The following AJAP1 variants were observed in gnomAD, a reference collection of about 807,000 sequenced individuals.
AJAP1 encodes the protein adherens junction-associated protein 1.
A neutral mutation model predicts 35.0 loss-of-function variants in AJAP1; 5 were observed. The ratio of observed to expected loss-of-function variants is 0.14; its 90% CI spans 0.07 to 0.30. AJAP1 has a LOEUF of 0.30. Ranked by LOEUF, AJAP1 falls within the 10% of genes least tolerant of loss-of-function variation. AJAP1 has a pLI of 1.00. For synonymous variants in AJAP1, 284 were observed against 249.3 expected (o/e 1.14, Z -1.31); for missense variants, 586 against 571.0 (o/e 1.03, Z -0.27).
At chr1:4,780,131 C>CAA (rs545412869) in intron 5 of AJAP1, among the ~76,000 whole-genome samples, 13 of 92,186 alleles carry the variant, frequency 1.4e-4, no homozygotes, top group East Asian at 1.4e-3. Flanking sequence ...GTGACAGTCT[C>CAA]AAAAAAAAAA....
chr1:4,785,931 ATGCACTCCT>A lies in AJAP1; in HGVS notation c.*3449_*3457del. ...CTTTAAAGCTTAGAAACAGCTGGGAATGCACTCCTTGTACAGTCCAGTCCGTTTTCAGAC... is the reference window on the plus strand; with the variant it reads ...CTTTAAAGCTTAGAAACAGCTGGGAATGTACAGTCCAGTCCGTTTTCAGAC... On this transcript the variant is annotated 3_prime_UTR_variant, in exon 6 of 6. Coordinates refer to ENST00000378191, the MANE Select transcript of AJAP1 (RefSeq NM_018836.4). 6.6e-6 allele frequency: 1 copy of A among 152,282 alleles called. No homozygotes were observed. Among genetic ancestry groups the A allele is most frequent in the East Asian group, 1.9e-4 (1 of 5,170 alleles). The allele number at this position is 152,282 out of a possible 1,614,324, so 9.4% of individuals were successfully genotyped here. A position where few individuals can be genotyped will look rare whatever the true frequency, so the allele number is the denominator to read the frequency against.
chr1:4,778,376 C>T (rs1454880447), intron 5 of AJAP1, among the ~76,000 whole-genome samples: 2 of 152,210 alleles, frequency 1.3e-5, no homozygotes, highest in African/African-American at 2.4e-5. Flanking sequence ...GAGAGGCTCA[C>T]GTGCTAAGTG....
intron 1 of AJAP1, among the ~76,000 whole-genome samples, chr1:4,666,297 G>A (rs1405754303): frequency 6.6e-6 from 1 of 152,192 alleles, no homozygotes; most frequent in Non-Finnish European, 1.5e-5. Flanking sequence ...CAGCCCTTAG[G>A]AGTTGGGTCT....
rs1438717707 is a variant in AJAP1, at chr1:4,712,354, G to A, written c.484G>A (p.Asp162Asn). 3 of 1,507,768 alleles carry A rather than the reference G, an allele frequency of 2.0e-6. No homozygotes were observed. The highest frequency in any genetic ancestry group is 1.4e-5 in the African/African-American group (1 of 71,978). The allele number at this position is 1,507,768 out of a possible 1,614,324, so 93.4% of individuals were successfully genotyped here. Residue 162 changes from aspartate to asparagine, a missense_variant, in exon 2 of 6, where the codon GAC becomes AAC. By Grantham distance (23) the Asp-to-Asn change is conservative. Coordinates refer to ENST00000378191, the MANE Select transcript of AJAP1 (RefSeq NM_018836.4). Reference sequence around the variant, plus strand: ...GAGGGGCAAGAGGCACCTGCAGGGGGACGGTCTCAGCAGCTTCGACTCCAG... The same window carrying A: ...GAGGGGCAAGAGGCACCTGCAGGGGAACGGTCTCAGCAGCTTCGACTCCAG... ...LRRGKRHLQG[D>N]GLSSFDSRGS...
At chr1:4,732,856 G>A (rs1640832259) in intron 2 of AJAP1, among the ~76,000 whole-genome samples, 1 of 152,154 alleles carries the variant, frequency 6.6e-6, no homozygotes, top group Non-Finnish European at 1.5e-5. Flanking sequence ...TCGAAAATTG[G>A]AGCTGTTTCT....
At chr1:4,728,407 A>G (rs1343350866) in intron 2 of AJAP1, among the ~76,000 whole-genome samples, 2 of 152,132 alleles carry the variant, frequency 1.3e-5, no homozygotes, top group African/African-American at 4.8e-5. Flanking sequence ...AGCATGAGGA[A>G]TGCACTCACA....
chr1:4,695,097 T>C (rs1444134893), intron 1 of AJAP1, among the ~76,000 whole-genome samples: 1 of 151,994 alleles, frequency 6.6e-6, no homozygotes, highest in Non-Finnish European at 1.5e-5. Flanking sequence ...TTGTCACAAC[T>C]TGGGAGAGGG....
chr1:4,776,777 T>A (rs910008099), intron 5 of AJAP1, among the ~76,000 whole-genome samples: 2 of 152,132 alleles, frequency 1.3e-5, no homozygotes, highest in African/African-American at 4.8e-5. Context: ...CAACTGTGCC[T>A]GAGGAGCTGT....
At chr1:4,674,782 C>T (rs1440495199) in intron 1 of AJAP1, among the ~76,000 whole-genome samples, 1 of 152,252 alleles carries the variant, frequency 6.6e-6, no homozygotes, top group Non-Finnish European at 1.5e-5. Flanking sequence ...TTCTGCTCTG[C>T]CTGCTTGTCT....
intron 1 of AJAP1, among the ~76,000 whole-genome samples, chr1:4,702,938 T>C (rs967774973): frequency 2.0e-5 from 3 of 152,152 alleles, no homozygotes; most frequent in African/African-American, 7.2e-5. Flanking sequence ...TAGCCAGAGA[T>C]TCCGCGATGG....
chr1:4,679,696 A>G (rs1280286533), intron 1 of AJAP1, among the ~76,000 whole-genome samples: 2 of 152,036 alleles, frequency 1.3e-5, no homozygotes, highest in South Asian at 2.1e-4. Context: ...GCATCACTCA[A>G]ATCTCTGCCT....
intron 1 of AJAP1, among the ~76,000 whole-genome samples, chr1:4,690,180 C>T (rs1639706785): frequency 1.3e-5 from 2 of 152,164 alleles, no homozygotes; most frequent in Admixed American, 1.3e-4. Context: ...CCCAGGAGGC[C>T]CGAGGAGGGG....
chr1:4,767,011 G>T (rs1341830483), intron 2 of AJAP1, among the ~76,000 whole-genome samples: 3 of 152,176 alleles, frequency 2.0e-5, no homozygotes, highest in African/African-American at 4.8e-5. Flanking sequence ...CTCTTAGCTG[G>T]TGATTAGCCC....
Position 4,785,571 on chromosome 1 carries a change from A to T in AJAP1, c.*3086A>T, listed in dbSNP as rs1255099375. On this transcript the variant is annotated 3_prime_UTR_variant, in exon 6 of 6. Transcript: ENST00000378191. Reference sequence around the variant, plus strand: ...GCACAGACTTGTCCTACTTCGGGCCATATGTATAGGTAATGCCCATGTACT... The same window carrying T: ...GCACAGACTTGTCCTACTTCGGGCCTTATGTATAGGTAATGCCCATGTACT... The T allele has an allele frequency of 6.6e-6, 1 of 152,074 alleles. No individual in the cohort carries two copies. Among genetic ancestry groups the T allele is most frequent in the Non-Finnish European group, 1.5e-5 (1 of 68,008 alleles). 9.4% of individuals were successfully genotyped at this position (152,074 alleles called of 1,614,324 possible).
chr1:4,747,982 ACT>A (rs1375968038), intron 2 of AJAP1, among the ~76,000 whole-genome samples: 3 of 135,090 alleles, frequency 2.2e-5, no homozygotes, highest in Non-Finnish European at 4.8e-5. Context: ...ACAGAGCCAG[ACT>A]CTGTCTCAAA....
chr1:4,687,955 A>G lies in AJAP1; in HGVS notation c.30-23945A>G, dbSNP rs552320062. ...CCTTCACAGCTGAGGAAGGGGCTGC[A>G]GTTCTAAGTGGCCACTGGTGAAGAG... On this transcript the variant is annotated intron_variant, in intron 1 of 5. Coordinates refer to ENST00000378191, the MANE Select transcript of AJAP1 (RefSeq NM_018836.4). 2.6e-5 allele frequency among the ~76,000 whole-genome samples: 4 copies of G among 152,370 alleles called. No homozygotes were observed. The East Asian group carries it at 7.7e-4, about 29-fold the overall frequency.
chr1:4,788,050 G>A lies in AJAP1; in HGVS notation c.*5565G>A, dbSNP rs528331956. 93 of 259,016 alleles carry A rather than the reference G, an allele frequency of 3.6e-4. No homozygotes were observed. The highest frequency in any genetic ancestry group is 2.0e-3 in the African/African-American group (85 of 43,262). The allele number at this position is 259,016 out of a possible 1,614,324, so 16.0% of individuals were successfully genotyped here. ...AATAGCACAGCCCACATAAATGAGC[G>A]AAACTCATCATCTGAGGATCTTTGA... On this transcript the variant is annotated 3_prime_UTR_variant, in exon 6 of 6. Coordinates refer to ENST00000378191, the MANE Select transcript of AJAP1 (RefSeq NM_018836.4).
intron 2 of AJAP1, among the ~76,000 whole-genome samples, chr1:4,755,864 G>A (rs1641418806): frequency 6.6e-6 from 1 of 152,048 alleles, no homozygotes; most frequent in South Asian, 2.1e-4. Flanking sequence ...GAGTAAGGGG[G>A]GTTCTGGCTG....
At chr1:4,725,776 TTGTAGACCC>T (rs1275731295) in intron 2 of AJAP1, among the ~76,000 whole-genome samples, 2 of 152,158 alleles carry the variant, frequency 1.3e-5, no homozygotes, top group Non-Finnish European at 2.9e-5. Flanking sequence ...TCTCCTTGGC[TTGTAGACCC>T]TGTCTCCTCC....
Sources: allele counts gnomAD v4.1 joint callset (sites outside exome capture counted in the v4.1 genomes callset), GRCh38; gene constraint gnomAD v4.1.1; transcripts MANE v1.5; gene names NCBI Gene and HGNC (gene_info 2026-07-23, HGNC 2026-07-21).